Variants in HFM1 observed in about 807,000 individuals in gnomAD.
The protein encoded by HFM1 is helicase for meiosis 1.
A neutral mutation model predicts 192.1 loss-of-function variants in HFM1; 169 were observed. That is an observed-to-expected ratio of 0.88 (90% CI 0.78 to 1.00). HFM1 has a LOEUF of 1.00. Ranked by LOEUF, HFM1 falls within the 50% of genes least tolerant of loss-of-function variation. HFM1 has a pLI of 0.00. For synonymous variants in HFM1, 525 were observed against 537.8 expected (o/e 0.98, Z 0.33); for missense variants, 1,661 against 1,668.0 (o/e 1.00, Z 0.07).
chr1:91,365,991 A>T (rs568266122), intron 13 of HFM1, among the ~76,000 whole-genome samples: 2 of 151,916 alleles, frequency 1.3e-5, no homozygotes, highest in South Asian at 4.1e-4. Flanking sequence ...AAACAGGAAT[A>T]AAAAGAGATA....
chr1:91,286,709 G>A (rs970818484), intron 30 of HFM1, among the ~76,000 whole-genome samples: 3 of 152,154 alleles, frequency 2.0e-5, no homozygotes, highest in Non-Finnish European at 2.9e-5. Context: ...TGTGAGCGAC[G>A]CAGAAGACGG....
chr1:91,313,317 A>C (rs1650743025), intron 30 of HFM1, 32 bp downstream of exon 30: 2 of 1,345,206 alleles, frequency 1.5e-6, no homozygotes, highest in Non-Finnish European at 2.1e-6. Context: ...TCTTTGCTTT[A>C]ATATAAAATA....
At chr1:91,349,341 C>T (rs1656622838) in intron 18 of HFM1, among the ~76,000 whole-genome samples, 1 of 151,584 alleles carries the variant, frequency 6.6e-6, no homozygotes, top group African/African-American at 2.4e-5. Context: ...GAGAGATGAA[C>T]TTAATCCCTC....
intron 13 of HFM1, among the ~76,000 whole-genome samples, chr1:91,354,803 A>C (rs1222330482): frequency 6.6e-6 from 1 of 152,142 alleles, no homozygotes; most frequent in Admixed American, 6.5e-5. Flanking sequence ...AAGCTGAAGA[A>C]ATTCACCACT....
intron 30 of HFM1, among the ~76,000 whole-genome samples, chr1:91,311,154 A>T (rs1270085001): frequency 1.3e-5 from 2 of 152,142 alleles, no homozygotes; most frequent in African/African-American, 4.8e-5. Flanking sequence ...ACTTGTTGGG[A>T]ACTGGAGCAA....
chr1:91,277,545 T>A (rs28620631), intron 30 of HFM1, among the ~76,000 whole-genome samples: 1 of 137,154 alleles, frequency 7.3e-6, no homozygotes, highest in Non-Finnish European at 1.5e-5. Flanking sequence ...TATATATATA[T>A]AATATATATA....
Position 91,328,545 on chromosome 1 carries a change from C to T in HFM1, c.2336-3779G>A, listed in dbSNP as rs1020766086. ...GCCAGGGTGGGGATGTGCTGCAGAA[C>T]GAGGAGGGTGAGACCACCAGCCACC... is the stretch of plus-strand genomic sequence containing the variant. On this transcript the variant is annotated intron_variant, in intron 20 of 38. Transcript: ENST00000370425. 5.0e-5 allele frequency: 81 copies of T among 1,612,292 alleles called. No individual in the cohort carries two copies. In the African/African-American group the frequency reaches 5.5e-4, roughly 11 times the overall value.
At chr1:91,274,570 G>A (rs1666624375) in intron 33 of HFM1, among the ~76,000 whole-genome samples, 160 bp downstream of exon 33, 1 of 152,074 alleles carries the variant, frequency 6.6e-6, no homozygotes. Flanking sequence ...GGGTATCAAA[G>A]ATAATGAAAC....
chr1:91,264,577 G>C (rs1225148513), intron 36 of HFM1, among the ~76,000 whole-genome samples: 2 of 150,384 alleles, frequency 1.3e-5, no homozygotes, highest in African/African-American at 4.9e-5. Flanking sequence ...GTTTCACCGT[G>C]TTAGCCAGGA....
intron 28 of HFM1, among the ~76,000 whole-genome samples, 174 bp from the exon 29 acceptor site, chr1:91,314,234 C>G (rs1335928291): frequency 2.0e-5 from 3 of 152,174 alleles, no homozygotes; most frequent in Non-Finnish European, 4.4e-5. Flanking sequence ...ATGGAACTCT[C>G]TTGACCATGA....
intron 30 of HFM1, among the ~76,000 whole-genome samples, chr1:91,288,289 A>G (rs1023629537): frequency 6.6e-6 from 1 of 152,064 alleles, no homozygotes; most frequent in Non-Finnish European, 1.5e-5. Flanking sequence ...CTCAAAGGGA[A>G]GCCCATCAGA....
At chr1:91,396,461 G>T in intron 2 of HFM1, 56 bp from the exon 3 acceptor site, 1 of 874,250 alleles carries the variant, frequency 1.1e-6, no homozygotes, top group Non-Finnish European at 1.8e-6. Flanking sequence ...AACATGAGAA[G>T]CTATGTGTTT....
upstream of HFM1, among the ~76,000 whole-genome samples, chr1:91,405,923 T>C (rs998925875): frequency 6.6e-5 from 10 of 152,366 alleles, no homozygotes; most frequent in African/African-American, 2.4e-4. Flanking sequence ...TTACTTTCCA[T>C]AGACTGCATA....
rs1015436545 is a variant in HFM1, at chr1:91,320,554, T to C, written c.2583-1164A>G. On this transcript the variant is annotated intron_variant, in intron 23 of 38. Coordinates refer to ENST00000370425, the MANE Select transcript of HFM1 (RefSeq NM_001017975.6). ...AATTGCTGGAGTAAAAATAAGACTT[T>C]TGAAGTAATATTTATTTATATTAAA... 4.6e-5 allele frequency among the ~76,000 whole-genome samples: 7 copies of C among 152,182 alleles called. No individual in the cohort carries two copies. The East Asian group carries it at 7.7e-4, about 17-fold the overall frequency.
At chr1:91,274,921 T>A (rs1053386489) in intron 32 of HFM1, 112 bp from the exon 33 acceptor site, 1 of 524,034 alleles carries the variant, frequency 1.9e-6, no homozygotes, top group African/African-American at 2.0e-5. Flanking sequence ...AATCAATGAA[T>A]TAGGAGAAAC....
intron 30 of HFM1, among the ~76,000 whole-genome samples, chr1:91,277,405 A>G (rs72726270): frequency 0.022 from 3,351 of 150,302 alleles, 50 homozygotes; most frequent in Non-Finnish European, 0.033. Flanking sequence ...CATATTTTTG[A>G]TAAGTTACTC....
At chr1:91,279,263 G>A (rs758385906) in intron 30 of HFM1, among the ~76,000 whole-genome samples, 3 of 152,220 alleles carry the variant, frequency 2.0e-5, no homozygotes, top group East Asian at 1.9e-4. Context: ...TAAACCTAAC[G>A]TTCCTCAGAC....
chr1:91,347,390 A>G, intron 19 of HFM1, 39 bp downstream of exon 19: 1 of 1,225,980 alleles, frequency 8.2e-7, no homozygotes, highest in South Asian at 1.5e-5. Context: ...TTTCACTAAA[A>G]TATATAGAAT....
chr1:91,345,917 T>C (rs1319678795), intron 19 of HFM1, among the ~76,000 whole-genome samples: 1 of 152,214 alleles, frequency 6.6e-6, no homozygotes, highest in East Asian at 1.9e-4. Context: ...TGTCCAGTCA[T>C]GTTTCTCAAC....
Sources: allele counts gnomAD v4.1 joint callset (sites outside exome capture counted in the v4.1 genomes callset), GRCh38; gene constraint gnomAD v4.1.1; transcripts MANE v1.5; gene names NCBI Gene and HGNC (gene_info 2026-07-23, HGNC 2026-07-21).